CNTNAP2: variants seen among roughly 807,000 people sequenced by gnomAD.
CNTNAP2 encodes contactin-associated protein-like 2.
Under a neutral mutation model 155.2 loss-of-function variants are expected in CNTNAP2, and 98 were observed. The observed-to-expected ratio is 0.63, with a 90% CI of 0.54 to 0.75. The LOEUF (loss-of-function observed/expected upper bound fraction) is 0.75. Among genes scored for constraint, CNTNAP2 ranks in the 30% least tolerant of loss-of-function variants. The pLI is 0.00. For missense variants in CNTNAP2, 1,727 were observed against 1,688.1 expected, an observed-to-expected ratio of 1.02 and a Z score of -0.40; for synonymous variants, 651 against 631.2, an observed-to-expected ratio of 1.03 and a Z score of -0.47.
At chr7:146,808,556 C>G (rs1197905594) in intron 2 of CNTNAP2, among the ~76,000 whole-genome samples, 2 of 152,070 alleles carry the variant, frequency 1.3e-5, no homozygotes, top group Non-Finnish European at 2.9e-5. Flanking sequence ...TGAATATACT[C>G]AAGGAGTACA....
chr7:148,059,354 G>A (rs1019373770), intron 15 of CNTNAP2, among the ~76,000 whole-genome samples: 1 of 152,066 alleles, frequency 6.6e-6, no homozygotes, highest in African/African-American at 2.4e-5. Context: ...ACTTTTGGAG[G>A]CTGAGCAGAC....
intron 3 of CNTNAP2, among the ~76,000 whole-genome samples, chr7:147,041,343 T>G (rs991207566): frequency 3.9e-5 from 6 of 152,138 alleles, no homozygotes; most frequent in Non-Finnish European, 8.8e-5. Flanking sequence ...CATCAAATCT[T>G]TTTGTGAGAG....
rs1344792588 is a variant in CNTNAP2, at chr7:146,329,045, A to G, written c.97+212072A>G. Among the ~76,000 whole-genome samples, 4 of 152,152 alleles carry G rather than the reference A, an allele frequency of 2.6e-5. 1 individual carries two copies. The highest frequency in any genetic ancestry group is 5.9e-5 in the Non-Finnish European group (4 of 68,030). ...CTGATTTTATTTCTTTTGACCATAT[A>G]CCCAGAAGTAGGATTGCTAGACCAT... is the stretch of plus-strand genomic sequence containing the variant. On this transcript the variant is annotated intron_variant, in intron 1 of 23. Coordinates refer to ENST00000361727, the MANE Select transcript of CNTNAP2 (RefSeq NM_014141.6).
At chr7:147,447,867 G>A (rs998117166) in intron 10 of CNTNAP2, among the ~76,000 whole-genome samples, 16 of 151,804 alleles carry the variant, frequency 1.1e-4, no homozygotes, top group African/African-American at 3.9e-4. Flanking sequence ...TTATAAATAT[G>A]GCTAGTATCA....
intron 1 of CNTNAP2, among the ~76,000 whole-genome samples, chr7:146,515,942 G>A (rs1223716222): frequency 3.3e-5 from 5 of 151,788 alleles, no homozygotes; most frequent in African/African-American, 1.2e-4. Flanking sequence ...TGCTGTACTG[G>A]GACTATATAA....
At chr7:148,149,925 C>T (rs755767267) in intron 17 of CNTNAP2, among the ~76,000 whole-genome samples, 3 of 151,922 alleles carry the variant, frequency 2.0e-5, no homozygotes, top group African/African-American at 4.8e-5. Context: ...AGGAGGCTGA[C>T]GTGATGAGTC....
intron 1 of CNTNAP2, among the ~76,000 whole-genome samples, chr7:146,656,390 T>A (rs1799996255): frequency 6.6e-6 from 1 of 152,190 alleles, no homozygotes; most frequent in African/African-American, 2.4e-5. Context: ...ATCAGGTGTA[T>A]TAAAAACAAA....
intron 2 of CNTNAP2, among the ~76,000 whole-genome samples, chr7:146,797,881 A>G (rs567851857): frequency 6.6e-6 from 1 of 152,342 alleles, no homozygotes; most frequent in Non-Finnish European, 1.5e-5. Context: ...AGGTGTAACT[A>G]TGTATACATT....
chr7:147,152,518 A>C (rs531273728), intron 8 of CNTNAP2, among the ~76,000 whole-genome samples: 2 of 152,228 alleles, frequency 1.3e-5, no homozygotes, highest in South Asian at 2.1e-4. Context: ...AGTGGCTCTT[A>C]CAAGTATTAG....
At chr7:146,363,020 C>T (rs1014760256) in intron 1 of CNTNAP2, among the ~76,000 whole-genome samples, 6 of 152,068 alleles carry the variant, frequency 3.9e-5, no homozygotes, top group South Asian at 4.2e-4. Context: ...CCGCCTGCCT[C>T]GACCTCCCAA....
intron 13 of CNTNAP2, among the ~76,000 whole-genome samples, chr7:147,857,610 G>A (rs750171172): frequency 4.6e-5 from 7 of 152,172 alleles, no homozygotes; most frequent in Non-Finnish European, 8.8e-5. Context: ...AGAACTTGGC[G>A]TCAGAGGAAG....
At chr7:147,329,070 A>C (rs1795509984) in intron 9 of CNTNAP2, among the ~76,000 whole-genome samples, 1 of 152,108 alleles carries the variant, frequency 6.6e-6, no homozygotes, top group African/African-American at 2.4e-5. Context: ...GAAAAATAAG[A>C]CAGAAATGGG....
intron 13 of CNTNAP2, among the ~76,000 whole-genome samples, chr7:147,690,584 T>C (rs1201257787): frequency 6.8e-6 from 1 of 147,562 alleles, no homozygotes; most frequent in Non-Finnish European, 1.5e-5. Flanking sequence ...TAATTAATCT[T>C]AATATATCAT....
chr7:147,332,688 C>T (rs894063892), intron 9 of CNTNAP2, among the ~76,000 whole-genome samples: 2 of 151,994 alleles, frequency 1.3e-5, no homozygotes, highest in African/African-American at 4.8e-5. Context: ...ATGGTGAAAC[C>T]CCGTCTCTAC....
At chr7:146,245,773 A>G (rs1427140556) in intron 1 of CNTNAP2, among the ~76,000 whole-genome samples, 3 of 152,066 alleles carry the variant, frequency 2.0e-5, no homozygotes, top group African/African-American at 7.3e-5. Context: ...AGCCCAGGTA[A>G]TTTGCTGAGC....
intron 1 of CNTNAP2, among the ~76,000 whole-genome samples, chr7:146,556,191 T>C (rs1798196089): frequency 6.6e-6 from 1 of 152,140 alleles, no homozygotes; most frequent in African/African-American, 2.4e-5. Flanking sequence ...AATTAAAACT[T>C]GCTTTGAAAA....
chr7:146,615,977 TTAATG>T (rs1156464000), intron 1 of CNTNAP2, among the ~76,000 whole-genome samples: 9 of 152,320 alleles, frequency 5.9e-5, no homozygotes, highest in Middle Eastern at 3.4e-3. Context: ...CTGGGAGAAT[TTAATG>T]TAATCTGTAA....
chr7:146,768,502 G>A (rs1802237831), intron 1 of CNTNAP2, among the ~76,000 whole-genome samples: 1 of 151,712 alleles, frequency 6.6e-6, no homozygotes, highest in Admixed American at 6.6e-5. Context: ...ACCTCTTGGA[G>A]GAACTGCTGT....
chr7:147,640,602 G>T (rs1267286689), intron 13 of CNTNAP2, among the ~76,000 whole-genome samples: 2 of 152,162 alleles, frequency 1.3e-5, no homozygotes, highest in Non-Finnish European at 2.9e-5. Flanking sequence ...TTACAGAGAA[G>T]AGTTATAAGC....
Sources: gnomAD v4.1 joint callset for allele counts (sites outside exome capture counted in the v4.1 genomes callset) on GRCh38, gnomAD v4.1.1 for gene constraint, MANE v1.5 for transcripts, NCBI Gene and HGNC (gene_info 2026-07-23, HGNC 2026-07-21) for gene names.